The following UBE3D variants were observed in gnomAD, a reference collection of about 807,000 sequenced individuals.
UBE3D encodes the protein E3 ubiquitin-protein ligase E3D.
A neutral mutation model predicts 49.6 loss-of-function variants in UBE3D; 48 were observed. The ratio of observed to expected loss-of-function variants is 0.97; its 90% CI spans 0.77 to 1.23. The LOEUF (loss-of-function observed/expected upper bound fraction) is 1.23, where lower values mean the gene tolerates loss of function less well. Among genes scored for constraint, UBE3D ranks in the 50% most tolerant of loss-of-function variants. UBE3D has a pLI of 0.00. For synonymous variants in UBE3D, 189 were observed against 174.2 expected (o/e 1.08, Z -0.67); for missense variants, 452 against 468.4 (o/e 0.96, Z 0.32).
intron 9 of UBE3D, among the ~76,000 whole-genome samples, chr6:82,919,263 C>T (rs562383429): frequency 6.6e-6 from 1 of 151,976 alleles, no homozygotes; most frequent in South Asian, 2.1e-4. Flanking sequence ...GGGTTAAGTT[C>T]CCAAGTGGTG....
Position 82,988,850 on chromosome 6 carries a change from CA to C in UBE3D, c.1010+30122del, listed in dbSNP as rs367891293. On this transcript the variant is annotated intron_variant, in intron 8 of 9. Coordinates refer to ENST00000369747, the MANE Select transcript of UBE3D (RefSeq NM_198920.3). ...CAGCTGTTACCAGGAGATTAACTAC[CA>C]AAAAAAAAAAGAAAAAGAGAAAAAA... Among the ~76,000 whole-genome samples, 1,134 of 135,290 alleles carry C rather than the reference CA, an allele frequency of 8.4e-3. 12 individuals are homozygous for C. The highest frequency in any genetic ancestry group is 0.027 in the African/African-American group (983 of 36,880). The allele number at this position is 135,290 out of a possible 152,430, so 88.8% of individuals were successfully genotyped here.
intron 8 of UBE3D, among the ~76,000 whole-genome samples, chr6:83,000,564 T>A (rs1291469944): frequency 6.6e-6 from 1 of 152,226 alleles, no homozygotes; most frequent in East Asian, 1.9e-4. Context: ...GCCAGAACAA[T>A]CTTCCTGAAG....
chr6:82,932,597 T>C (rs946620439), intron 9 of UBE3D: 2 of 152,220 alleles, frequency 1.3e-5, no homozygotes, highest in Non-Finnish European at 2.9e-5. Flanking sequence ...TGGTCTGTTT[T>C]GCCCTCCATG....
chr6:82,944,366 G>A (rs73477748), intron 9 of UBE3D, among the ~76,000 whole-genome samples: 3,134 of 152,252 alleles, frequency 0.021, 48 homozygotes, highest in African/African-American at 0.037. Context: ...GGACCAGAAG[G>A]GAATCTGTTG....
intron 8 of UBE3D, among the ~76,000 whole-genome samples, chr6:82,983,911 A>G (rs985358363): frequency 3.3e-5 from 5 of 152,128 alleles, no homozygotes; most frequent in African/African-American, 1.2e-4. Context: ...CCAATTCTAC[A>G]TGCACTTAAG....
chr6:83,030,215 A>C (rs911950636), intron 5 of UBE3D, among the ~76,000 whole-genome samples: 2 of 152,146 alleles, frequency 1.3e-5, no homozygotes, highest in Non-Finnish European at 2.9e-5. Context: ...AAATTAAAAA[A>C]AAAAGACGTT....
downstream of UBE3D, among the ~76,000 whole-genome samples, chr6:82,889,450 A>G (rs958987198): frequency 2.0e-5 from 3 of 152,192 alleles, no homozygotes; most frequent in African/African-American, 4.8e-5. Flanking sequence ...CGCTTTGCTA[A>G]TATCGGTGGA....
At chr6:83,015,896 G>A (rs1314667232) in intron 8 of UBE3D, among the ~76,000 whole-genome samples, 1 of 152,180 alleles carries the variant, frequency 6.6e-6, no homozygotes, top group Non-Finnish European at 1.5e-5. Context: ...GGGTAGGGAA[G>A]CTGTTTCTTC....
intron 1 of UBE3D, among the ~76,000 whole-genome samples, chr6:83,065,304 G>C (rs564362866): frequency 6.6e-6 from 1 of 152,302 alleles, no homozygotes; most frequent in African/African-American, 2.4e-5. Context: ...GAAACGCCGG[G>C]CACTGCCAAC....
intron 8 of UBE3D, among the ~76,000 whole-genome samples, chr6:82,984,693 CTG>C (rs1482500591): frequency 6.6e-6 from 1 of 152,096 alleles, no homozygotes; most frequent in Non-Finnish European, 1.5e-5. Flanking sequence ...GATGAAGTAT[CTG>C]TGAATATTTC....
chr6:82,942,755 C>T (rs1775105710), intron 9 of UBE3D, among the ~76,000 whole-genome samples: 1 of 152,220 alleles, frequency 6.6e-6, no homozygotes, highest in Admixed American at 6.5e-5. Flanking sequence ...TATGGAAATG[C>T]CTGGATGTCC....
intron 9 of UBE3D, among the ~76,000 whole-genome samples, chr6:82,927,685 G>A (rs1176772567): frequency 1.3e-5 from 2 of 151,532 alleles, no homozygotes; most frequent in South Asian, 2.1e-4. Context: ...TATGTAGGAA[G>A]GCAATTGGCT....
At chr6:83,061,201 G>A (rs1784146615) in intron 1 of UBE3D, among the ~76,000 whole-genome samples, 1 of 152,198 alleles carries the variant, frequency 6.6e-6, no homozygotes, top group Non-Finnish European at 1.5e-5. Context: ...TCTACAAAAT[G>A]ATTGTACTAT....
At chr6:82,890,110 C>T (rs1296553135), downstream of UBE3D, among the ~76,000 whole-genome samples, 1 of 152,030 alleles carries the variant, frequency 6.6e-6, no homozygotes, top group East Asian at 1.9e-4. Flanking sequence ...ACAGAGGAGG[C>T]TAATGTGGAA....
intron 3 of UBE3D, among the ~76,000 whole-genome samples, chr6:83,047,773 G>T (rs899937451): frequency 9.9e-5 from 15 of 152,026 alleles, no homozygotes; most frequent in African/African-American, 3.6e-4. Flanking sequence ...GGAAAGTGAG[G>T]CTCAGAAATG....
At chr6:82,956,551 T>C (rs1214847078) in intron 9 of UBE3D, among the ~76,000 whole-genome samples, 2 of 152,128 alleles carry the variant, frequency 1.3e-5, no homozygotes, top group African/African-American at 4.8e-5. Flanking sequence ...GCTCAGAAAG[T>C]AGAACCCTGT....
At chr6:83,046,705 T>C (rs752657254) in intron 3 of UBE3D, among the ~76,000 whole-genome samples, 112 of 142,852 alleles carry the variant, frequency 7.8e-4, no homozygotes, top group African/African-American at 3.1e-3. Context: ...GGGGGAGCAG[T>C]ACAGATCCCT....
chr6:83,063,962 A>C (rs1308412214), intron 1 of UBE3D, among the ~76,000 whole-genome samples: 1 of 152,200 alleles, frequency 6.6e-6, no homozygotes, highest in Non-Finnish European at 1.5e-5. Context: ...ATTCATAATA[A>C]GCAAACTCCA....
chr6:83,014,618 T>A (rs1780565910), intron 8 of UBE3D, among the ~76,000 whole-genome samples: 1 of 152,182 alleles, frequency 6.6e-6, no homozygotes. Context: ...GGAATCAGCG[T>A]CAGCTCAGAG....
Sources: allele counts gnomAD v4.1 joint callset (sites outside exome capture counted in the v4.1 genomes callset), GRCh38; gene constraint gnomAD v4.1.1; transcripts MANE v1.5; gene names NCBI Gene and HGNC (gene_info 2026-07-23, HGNC 2026-07-21).